The following TGM1 variants were observed in gnomAD, a reference collection of about 807,000 sequenced individuals.
TGM1 encodes transglutaminase 1.
A neutral mutation model predicts 88.7 loss-of-function variants in TGM1; 63 were observed. The ratio of observed to expected loss-of-function variants is 0.71; its 90% CI spans 0.58 to 0.88. The LOEUF (loss-of-function observed/expected upper bound fraction) is 0.88. Among genes scored for constraint, TGM1 ranks in the 40% least tolerant of loss-of-function variants. The pLI is 0.00. For synonymous variants in TGM1, 415 were observed against 431.1 expected (o/e 0.96, Z 0.46); for missense variants, 996 against 1,118.0 (o/e 0.89, Z 1.56).
Position 24,255,584 on chromosome 14 carries a change from C to T in TGM1, c.1492-67G>A. On this transcript the variant is annotated intron_variant, in intron 10 of 14. Coordinates refer to ENST00000206765, the MANE Select transcript of TGM1 (RefSeq NM_000359.3). This position sits in a 1 kb window ranked among gnomAD's most constrained non-coding sequence, Gnocchi z 4.0. ...GTCTGAGGGTGGCCTGACTCCCGGC[C>T]TCCTTCCCCTGATCCCAGGAGCTAT... 6.3e-7 allele frequency: 1 copy of T among 1,597,648 alleles called. No individual in the cohort carries two copies. Among genetic ancestry groups the T allele is most frequent in the East Asian group, 2.2e-5 (1 of 44,788 alleles).
At chr14:24,257,830 G>A (rs145979833) in intron 9 of TGM1, among the ~76,000 whole-genome samples, 1 of 152,156 alleles carries the variant, frequency 6.6e-6, no homozygotes, top group Non-Finnish European at 1.5e-5. Flanking sequence ...AATACCTCCT[G>A]AGAGAGAATA....
chr14:24,253,990 A>G, intron 14 of TGM1, 162 bp downstream of exon 14: 1 of 927,954 alleles, frequency 1.1e-6, no homozygotes, highest in Non-Finnish European at 1.7e-6. Flanking sequence ...GGCTGGTGGG[A>G]CTGAGCTGGG....
rs1397843927 is a variant in TGM1 at position 24,254,365 on chromosome 14, G to C, written c.2089-77C>G. 8.1e-6 allele frequency: 13 copies of C among 1,607,052 alleles called. No individual in the cohort carries two copies. In the East Asian group the frequency reaches 2.2e-4, roughly 28 times the overall value. On this transcript the variant is annotated intron_variant, in intron 13 of 14. Coordinates refer to ENST00000206765, the MANE Select transcript of TGM1 (RefSeq NM_000359.3). ...CGGGGACCGTACACTGCACCAGAGA[G>C]GGGAAGCTGCTTAGAAGCAAAACCT...
chr14:24,255,200 G>T lies in TGM1; in HGVS notation c.1699C>A (p.Pro567Thr), dbSNP rs769663593. The T allele has an allele frequency of 4.3e-5, 70 of 1,613,802 alleles. No homozygotes were observed. The highest frequency in any genetic ancestry group is 5.3e-5 in the Non-Finnish European group (63 of 1,180,044). ...GAGCCCCGGTTGGCATACACATTGG[G>T]TTTGCTGCCGTGGGCTGCTGCTGTC... Reference protein sequence around the residue: ...VETAAAHGSKPNVYANRGSAE... With the variant: ...VETAAAHGSKTNVYANRGSAE... Residue 567 changes from proline to threonine, a missense_variant, in exon 12 of 15, where the codon CCC becomes ACC. Coordinates refer to ENST00000206765, the MANE Select transcript of TGM1 (RefSeq NM_000359.3). This position sits in a 1 kb window ranked among gnomAD's most constrained non-coding sequence, Gnocchi z 4.0.
intron 9 of TGM1, 106 bp from the exon 10 acceptor site, chr14:24,256,183 C>T (rs1280368184): frequency 1.7e-5 from 16 of 921,870 alleles, no homozygotes; most frequent in Admixed American, 1.0e-4. Context: ...CACTCAGGCC[C>T]GGTCCCACTG....
chr14:24,260,175 G>T, intron 4 of TGM1, 117 bp from the exon 5 acceptor site: 1 of 1,049,280 alleles, frequency 9.5e-7, no homozygotes. Flanking sequence ...GATGCCCCTA[G>T]CCTGACAGGA....
In TGM1 at chr14:24,258,380, T is replaced by G. The variant is rs1381998109; in HGVS notation, c.1307A>C (p.His436Pro). The change falls in exon 9 of 15, where the codon CAT becomes CCT. Residue 436 changes from histidine to proline, a missense_variant. By Grantham distance (77) the His-to-Pro change is moderately conservative (BLOSUM62 -2). Transcript: ENST00000206765. ...CTTCATCCAGCAGTCGTTCCACACA[T>G]GGAAGTTCCTGGATGGACATGGAGG... is the stretch of plus-strand genomic sequence containing the variant. ...HLNHDSVWNF[H>P]VWNDCWMKRP... The G allele has an allele frequency of 5.0e-6, 8 of 1,614,080 alleles. No homozygotes were observed. The highest frequency in any genetic ancestry group is 6.8e-6 in the Non-Finnish European group (8 of 1,179,990).
intron 14 of TGM1, among the ~76,000 whole-genome samples, chr14:24,250,840 C>T (rs986991780): frequency 6.6e-5 from 10 of 152,226 alleles, no homozygotes; most frequent in African/African-American, 2.4e-4. Context: ...TTGCCTAAAC[C>T]TTACCTCTGG....
In TGM1 at chr14:24,259,703, C is replaced by T. The variant is rs749160734; in HGVS notation, c.984+1G>A. On this transcript the variant is annotated splice_donor_variant, in intron 6 of 14. Coordinates refer to ENST00000206765, the MANE Select transcript of TGM1 (RefSeq NM_000359.3). LOFTEE classifies it high-confidence loss of function. This position sits in a 1 kb window ranked among gnomAD's most constrained non-coding sequence, Gnocchi z 5.7. Reference sequence around the variant, plus strand: ...GGACTCAGAGATGTGAGGGTGCTCACCATGGCAGAGATGACCCGGGAGACA... The same window carrying T: ...GGACTCAGAGATGTGAGGGTGCTCATCATGGCAGAGATGACCCGGGAGACA... 6.2e-7 allele frequency: 1 copy of T among 1,609,534 alleles called. No individual in the cohort carries two copies. Among genetic ancestry groups the T allele is most frequent in the Non-Finnish European group, 8.5e-7 (1 of 1,178,072 alleles).
Position 24,255,287 on chromosome 14 carries a change from T to C in TGM1, c.1646-34A>G, listed in dbSNP as rs774085795. The C allele has an allele frequency of 1.9e-6, 3 of 1,613,964 alleles. No individual in the cohort carries two copies. The highest frequency in any genetic ancestry group is 1.6e-4 in the Middle Eastern group (1 of 6,084). ...TGAGGGTCAAGGGTGAGGTTCCAAT[T>C]CCCACGTGGGTGGCCAAGCACTTGG... On this transcript the variant is annotated intron_variant, in intron 11 of 14. Transcript: ENST00000206765. This position sits in a 1 kb window ranked among gnomAD's most constrained non-coding sequence, Gnocchi z 4.0.
chr14:24,256,858 GC>G (rs1207305957), intron 9 of TGM1, among the ~76,000 whole-genome samples: 2 of 152,212 alleles, frequency 1.3e-5, no homozygotes, highest in Admixed American at 6.5e-5. Context: ...TTTTTGAGTA[GC>G]TGCTACACTC....
At chr14:24,251,904 C>G (rs764561867) in intron 14 of TGM1, among the ~76,000 whole-genome samples, 1 of 152,146 alleles carries the variant, frequency 6.6e-6, no homozygotes, top group Non-Finnish European at 1.5e-5. Context: ...GCAGACTGAC[C>G]ACTCTGAGGA....
Position 24,249,500 on chromosome 14 carries a change from A to G in TGM1, c.2267T>C (p.Phe756Ser). The stretch of plus-strand genomic sequence containing the variant: ...GCGGGGGCCTGGTCGCACAGGCACA[A>G]ACGACTGGCGCAGTGTCACTGTTTC... ...GNETVTLRQS[F>S]VPVRPGPRQL... Residue 756 changes from phenylalanine to serine, a missense_variant, in exon 15 of 15, where the codon TTT becomes TCT. Phe to Ser is a radical substitution (Grantham distance 155). Transcript: ENST00000206765. 1.2e-6 allele frequency: 2 copies of G among 1,614,122 alleles called. No homozygotes were observed. Among genetic ancestry groups the G allele is most frequent in the Non-Finnish European group, 1.7e-6 (2 of 1,180,006 alleles).
At position 24,252,355 on chromosome 14, in the gene TGM1, C is replaced by T. The variant is rs945235144; in HGVS notation, c.2225+1797G>A. ...CAGCTAAAGACAGGAAACAGGTCCCCCAACACTCAGCACAGTGGCCCTTTC... is the reference window on the plus strand; with the variant it reads ...CAGCTAAAGACAGGAAACAGGTCCCTCAACACTCAGCACAGTGGCCCTTTC... On this transcript the variant is annotated intron_variant, in intron 14 of 14. Transcript: ENST00000206765. Among the ~76,000 whole-genome samples, 84 of 152,210 alleles carry T rather than the reference C, an allele frequency of 5.5e-4. 1 individual carries two copies. Among genetic ancestry groups the T allele is most frequent in the Admixed American group, 5.5e-3 (84 of 15,288 alleles).
chr14:24,258,691 T>C lies in TGM1; in HGVS notation c.1160-18A>G, dbSNP rs778155688. ...GCGCAGCACTGTGGAGGAGCGAAGG[T>C]TGGGGTTCAAGGCATGGGTTGGGGG... On this transcript the variant is annotated intron_variant, in intron 7 of 14. Transcript: ENST00000206765. 50 of 1,612,618 alleles carry C rather than the reference T, an allele frequency of 3.1e-5. 1 individual carries two copies. Among genetic ancestry groups the C allele is most frequent in the South Asian group, 2.2e-4 (20 of 91,048 alleles).
intron 1 of TGM1, 86 bp from the exon 2 acceptor site, chr14:24,262,440 G>T: frequency 7.0e-7 from 1 of 1,426,176 alleles, no homozygotes. Flanking sequence ...AGCTGATTCA[G>T]TCCCACCCGA....
Position 24,254,832 on chromosome 14 carries a change from G to A in TGM1, c.1928-8C>T, listed in dbSNP as rs2139019137. On this transcript the variant is annotated splice_region_variant and splice_polypyrimidine_tract_variant and intron_variant, in intron 12 of 14. Coordinates refer to ENST00000206765, the MANE Select transcript of TGM1 (RefSeq NM_000359.3). ...GCATGGTCACACGGTCCGCTGTGGA[G>A]AAGAGGCATGGCGTCACTGAGGCCT... The A allele has an allele frequency of 6.2e-7, 1 of 1,613,674 alleles. No homozygotes were observed. Among genetic ancestry groups the A allele is most frequent in the Non-Finnish European group, 8.5e-7 (1 of 1,180,018 alleles).
rs779289911 is a variant in TGM1 at position 24,255,184 on chromosome 14, T to C, written c.1715A>G (p.Asn572Ser). Residue 572 changes from asparagine (N) to serine (S), a missense_variant, in exon 12 of 15, where the codon AAC becomes AGC. Asn to Ser is a conservative substitution (Grantham distance 46). Transcript: ENST00000206765. The surrounding 1 kb of genome is among the most constrained non-coding windows in gnomAD (Gnocchi z 4.0). ...GGCCACATCCTCCGCTGAGCCCCGG[T>C]TGGCATACACATTGGGTTTGCTGCC... Reference protein sequence around the residue: ...AHGSKPNVYANRGSAEDVAMQ... With the variant: ...AHGSKPNVYASRGSAEDVAMQ... 2 of 1,614,020 alleles carry C rather than the reference T, an allele frequency of 1.2e-6. No homozygotes were observed. The highest frequency in any genetic ancestry group is 8.5e-7 in the Non-Finnish European group (1 of 1,180,012).
rs756489456 is a variant in TGM1, at chr14:24,255,759, C to T, written c.1491+230G>A. ...CTTTGGCAATATCAGTAATCCCTCA[C>T]ACTCAATGGCTGACTTTACGACTAG... On this transcript the variant is annotated intron_variant, in intron 10 of 14. Transcript: ENST00000206765. The surrounding 1 kb of genome is among the most constrained non-coding windows in gnomAD (Gnocchi z 4.0). Among the ~76,000 whole-genome samples the T allele has an allele frequency of 6.6e-6, 1 of 152,224 alleles. No homozygotes were observed. Among genetic ancestry groups the T allele is most frequent in the African/African-American group, 2.4e-5 (1 of 41,448 alleles).
Sources: gnomAD v4.1 joint callset for allele counts (sites outside exome capture counted in the v4.1 genomes callset) on GRCh38, gnomAD v4.1.1 for gene constraint, Gnocchi (gnomAD v3.1) non-coding constraint, MANE v1.5 for transcripts, NCBI Gene and HGNC (gene_info 2026-07-23, HGNC 2026-07-21) for gene names.